The following PEX5 variants were observed in gnomAD, a reference collection of about 807,000 sequenced individuals.
PEX5 encodes the protein PTS1 receptor.
A neutral mutation model predicts 82.9 loss-of-function variants in PEX5; 52 were observed. That is an observed-to-expected ratio of 0.63 (90% CI 0.50 to 0.79). The LOEUF is 0.79. Ranked by LOEUF, PEX5 falls within the 30% of genes least tolerant of loss-of-function variation. The pLI, the probability that PEX5 is intolerant of heterozygous loss-of-function variation, is 0.00. For synonymous variants in PEX5, 300 were observed against 318.8 expected (o/e 0.94, Z 0.63); for missense variants, 719 against 815.2 (o/e 0.88, Z 1.44).
intron 6 of PEX5, among the ~76,000 whole-genome samples, chr12:7,199,669 T>G (rs1383568216): frequency 1.3e-5 from 2 of 150,702 alleles, no homozygotes; most frequent in African/African-American, 4.9e-5. Context: ...CCCTTTTCTA[T>G]TCCACAAAAC....
intron 9 of PEX5, 68 bp downstream of exon 9, chr12:7,202,772 A>G: frequency 9.6e-7 from 1 of 1,046,990 alleles, no homozygotes; most frequent in South Asian, 1.3e-5. Flanking sequence ...TGGGTGTATG[A>G]ACATCAAAGA....
intron 10 of PEX5, among the ~76,000 whole-genome samples, chr12:7,206,405 C>T (rs185855042): frequency 6.1e-4 from 93 of 152,368 alleles, no homozygotes; most frequent in African/African-American, 2.2e-3. Context: ...TGAGTAGTTG[C>T]AGCAGATCCA....
At chr12:7,218,362 G>A (rs1362426946) in intron 17 of PEX5, 1 of 152,188 alleles carries the variant, frequency 6.6e-6, no homozygotes, top group Non-Finnish European at 1.5e-5. Context: ...GAAACTGTAC[G>A]ACTGGGTTTT....
At chr12:7,200,642 C>A (rs1438140995) in intron 6 of PEX5, among the ~76,000 whole-genome samples, 1 of 152,198 alleles carries the variant, frequency 6.6e-6, no homozygotes, top group Non-Finnish European at 1.5e-5. Flanking sequence ...AATCCCGGCA[C>A]CTCGGGAGGC....
At chr12:7,211,673 G>C (rs141515943), downstream of PEX5, among the ~76,000 whole-genome samples, 5 of 152,252 alleles carry the variant, frequency 3.3e-5, no homozygotes, top group Admixed American at 2.6e-4. Context: ...AAGAGATGTC[G>C]ATAATCATGA....
chr12:7,206,918 T>C (rs1944880672), intron 10 of PEX5, among the ~76,000 whole-genome samples: 1 of 152,224 alleles, frequency 6.6e-6, no homozygotes, highest in South Asian at 2.1e-4. Context: ...ACTTCCCCTT[T>C]ACCTCATTTC....
intron 9 of PEX5, among the ~76,000 whole-genome samples, 174 bp downstream of exon 9, chr12:7,202,878 C>T (rs1944278759): frequency 6.6e-6 from 1 of 152,040 alleles, no homozygotes; most frequent in South Asian, 2.1e-4. Context: ...ATTTCTGGGC[C>T]AGGCATGGTG....
Position 7,210,466 on chromosome 12 carries a change from A to G in PEX5, c.*243A>G. On this transcript the variant is annotated 3_prime_UTR_variant, in exon 16 of 16. Transcript: ENST00000675855. ...TCAAGGGCTGTACATCCAGCTACAGATCTCTCTGCTCATCATGCCCTTTCT... is the reference window on the plus strand; with the variant it reads ...TCAAGGGCTGTACATCCAGCTACAGGTCTCTCTGCTCATCATGCCCTTTCT... 1.7e-6 allele frequency: 1 copy of G among 592,826 alleles called. No homozygotes were observed. Among genetic ancestry groups the G allele is most frequent in the East Asian group, 2.9e-5 (1 of 34,720 alleles). 36.7% of individuals were successfully genotyped at this position (592,826 alleles called of 1,614,324 possible).
rs373663468 is a variant in PEX5 at position 7,192,127 on chromosome 12, A to G, written c.448+427A>G. Among the ~76,000 whole-genome samples the G allele has an allele frequency of 2.6e-5, 4 of 152,338 alleles. No homozygotes were observed. In the South Asian group the frequency reaches 8.3e-4, roughly 32 times the overall value. Reference sequence around the variant, plus strand: ...CTGAAGTGTATGGCTTTAGAAGGTAAAGACCATACCATGATGATGATAATA... The same window carrying G: ...CTGAAGTGTATGGCTTTAGAAGGTAGAGACCATACCATGATGATGATAATA... On this transcript the variant is annotated intron_variant, in intron 5 of 15. Transcript: ENST00000675855.
At chr12:7,204,078 A>G (rs1258255663) in intron 10 of PEX5, among the ~76,000 whole-genome samples, 1 of 152,240 alleles carries the variant, frequency 6.6e-6, no homozygotes, top group African/African-American at 2.4e-5. Context: ...TAGTAGTATG[A>G]AAGATGATTG....
intron 9 of PEX5, 64 bp from the exon 10 acceptor site, chr12:7,203,368 C>A: frequency 1.3e-6 from 2 of 1,547,892 alleles, no homozygotes; most frequent in Non-Finnish European, 1.8e-6. Flanking sequence ...CCCAGCAGAG[C>A]TGAGTGTGGG....
chr12:7,197,426 C>CATACAATGTAATTGTT lies in PEX5; in HGVS notation c.449-1582_449-1581insCAATGTAATTGTTATA, dbSNP rs1942897063. The stretch of plus-strand genomic sequence containing the variant: ...TGTCATATACAATGTAATTATATGT[C>CATACAATGTAATTGTT]ATATACAATGTAATTATGTTATATA... On this transcript the variant is annotated intron_variant, in intron 5 of 15. Transcript: ENST00000675855. Among the ~76,000 whole-genome samples, 7 of 102,832 alleles carry CATACAATGTAATTGTT rather than the reference C, an allele frequency of 6.8e-5. 1 individual carries two copies. The highest frequency in any genetic ancestry group is 2.7e-4 in the African/African-American group (7 of 25,462). 67.5% of individuals were successfully genotyped at this position (102,832 alleles called of 152,430 possible). A position where few individuals can be genotyped will look rare whatever the true frequency, so the allele number is the denominator to read the frequency against.
intron 1 of PEX5, 184 bp from the exon 2 acceptor site, chr12:7,190,178 C>T: frequency 1.3e-6 from 2 of 1,510,660 alleles, no homozygotes; most frequent in East Asian, 2.4e-5. Flanking sequence ...AGGGGGGCGG[C>T]AGGAGAGAGT....
chr12:7,215,548 T>C (rs746363146), downstream of PEX5, among the ~76,000 whole-genome samples: 1 of 152,264 alleles, frequency 6.6e-6, no homozygotes, highest in South Asian at 2.1e-4. Context: ...CAATATAGAA[T>C]ACTATGCATC....
Position 7,199,110 on chromosome 12 carries a change from G to C in PEX5, c.548G>C (p.Arg183Pro), listed in dbSNP as rs772215584. The change falls in exon 6 of 16, where the codon CGC becomes CCC. Residue 183 changes from arginine to proline, a missense_variant. Transcript: ENST00000675855. ...GAACCTGAGGGAACAGCCACCGATC[G>C]CTGGTGAGTTCAGATACCTCTTTCC... is the stretch of plus-strand genomic sequence containing the variant. ...LGEPEGTATD[R>P]WYDEYHPEED... 6.4e-7 allele frequency: 1 copy of C among 1,570,040 alleles called. No homozygotes were observed. The highest frequency in any genetic ancestry group is 8.7e-7 in the Non-Finnish European group (1 of 1,147,480).
At position 7,208,566 on chromosome 12, in the gene PEX5, C is replaced by T. The variant is rs765682048; in HGVS notation, c.1291C>T (p.Arg431Trp). Residue 431 changes from arginine to tryptophan, a missense_variant, in exon 13 of 16, where the codon CGG becomes TGG. Coordinates refer to ENST00000675855, the MANE Select transcript of PEX5 (RefSeq NM_001351132.2). ...QACETLRDWL[R>W]YTPAYAHLVT... ...CTGTGAAACCCTACGAGACTGGCTG[C>T]GGTACACACCAGCCTATGCCCATCT... 2.7e-5 allele frequency: 43 copies of T among 1,613,146 alleles called. No homozygotes were observed. Among genetic ancestry groups the T allele is most frequent in the Non-Finnish European group, 2.9e-5 (34 of 1,179,428 alleles).
At chr12:7,216,307 A>T (rs940524739), downstream of PEX5, among the ~76,000 whole-genome samples, 72 of 152,076 alleles carry the variant, frequency 4.7e-4, no homozygotes, top group African/African-American at 1.7e-3. Context: ...TACATTACCT[A>T]CTCTTAAATA....
intron 5 of PEX5, among the ~76,000 whole-genome samples, chr12:7,193,709 T>G (rs1169205070): frequency 1.3e-5 from 2 of 152,230 alleles, no homozygotes; most frequent in Admixed American, 1.3e-4. Context: ...AGAAAAATCA[T>G]TGCTACTATG....
rs370984432 is a variant in PEX5 at position 7,209,153 on chromosome 12, C to T, written c.1543C>T (p.Leu515Phe). The T allele has an allele frequency of 1.2e-6, 2 of 1,613,824 alleles. No individual in the cohort carries two copies. The highest frequency in any genetic ancestry group is 1.7e-6 in the Non-Finnish European group (2 of 1,180,002). The part of the protein sequence containing the change: ...DKAVDCFTAA[L>F]SVRPNDYLLW... The stretch of plus-strand genomic sequence containing the variant: ...GGCCGTGGACTGCTTCACAGCTGCC[C>T]TCAGCGTTCGTCCCAATGTGAGCCC... The change falls in exon 14 of 16, where the codon CTC becomes TTC. Residue 515 changes from leucine to phenylalanine, a missense_variant. Physicochemically the swap from Leu to Phe is conservative, Grantham distance 22. Transcript: ENST00000675855.
Sources: allele counts gnomAD v4.1 joint callset (sites outside exome capture counted in the v4.1 genomes callset), GRCh38; gene constraint gnomAD v4.1.1; transcripts MANE v1.5; gene names NCBI Gene and HGNC (gene_info 2026-07-23, HGNC 2026-07-21).